PAPPA2: variants seen among roughly 807,000 people sequenced by gnomAD.
PAPPA2 encodes pappalysin-2.
PAPPA2 carries 86 observed loss-of-function variants against 176.4 expected under a neutral mutation model. The ratio of observed to expected loss-of-function variants is 0.49; its 90% CI spans 0.41 to 0.58. The LOEUF (loss-of-function observed/expected upper bound fraction) is 0.58, where lower values mean the gene tolerates loss of function less well. Among genes scored for constraint, PAPPA2 ranks in the 20% least tolerant of loss-of-function variants. The pLI, the probability that PAPPA2 is intolerant of heterozygous loss-of-function variation, is 0.00. For synonymous variants in PAPPA2, 809 were observed against 852.2 expected, an observed-to-expected ratio of 0.95 and a Z score of 0.88; for missense variants, 2,073 against 2,256.9, an observed-to-expected ratio of 0.92 and a Z score of 1.65.
chr1:176,756,130 G>A (rs1298135430), intron 14 of PAPPA2, among the ~76,000 whole-genome samples: 2 of 152,022 alleles, frequency 1.3e-5, no homozygotes, highest in Admixed American at 6.6e-5. Flanking sequence ...AGCTAATTTT[G>A]TAGTTTAGTA....
At position 176,594,678 on chromosome 1, in the gene PAPPA2, C is replaced by T. The variant is rs1208380815; in HGVS notation, c.1074C>T (p.Arg358=). The part of the protein sequence containing the change: ...KKATILISHS[R]YQPGTWTHVA... ...CCACCATCTTGATTAGCCACAGTCG[C>T]TACCAACCAGGCACATGGACCCATG... Residue 358 remains arginine, a synonymous_variant, in exon 3 of 23, where the codon CGC becomes CGT. Coordinates refer to ENST00000367662, the MANE Select transcript of PAPPA2 (RefSeq NM_020318.3). The T allele has an allele frequency of 2.5e-6, 4 of 1,614,228 alleles. 1 individual carries two copies. The South Asian group carries it at 4.4e-5, about 18-fold the overall frequency.
intron 3 of PAPPA2, among the ~76,000 whole-genome samples, chr1:176,615,574 G>A (rs1211349547): frequency 2.0e-5 from 3 of 152,058 alleles, no homozygotes; most frequent in Non-Finnish European, 2.9e-5. Context: ...TGATCCACCC[G>A]CTTCGGCCTC....
At chr1:176,780,395 C>T (rs1296021542) in intron 17 of PAPPA2, among the ~76,000 whole-genome samples, 1 of 152,094 alleles carries the variant, frequency 6.6e-6, no homozygotes, top group Non-Finnish European at 1.5e-5. Flanking sequence ...AGTGGACTTC[C>T]CTCAGGCTCT....
intron 4 of PAPPA2, among the ~76,000 whole-genome samples, chr1:176,678,457 A>G (rs1659417747): frequency 6.6e-6 from 1 of 151,952 alleles, no homozygotes; most frequent in African/African-American, 2.4e-5. Context: ...GAGCATGGAA[A>G]GTTTTTATTG....
intron 1 of PAPPA2, among the ~76,000 whole-genome samples, chr1:176,538,184 A>C (rs889679819): frequency 1.3e-5 from 2 of 152,052 alleles, no homozygotes; most frequent in African/African-American, 4.8e-5. Context: ...TGTCAGGATT[A>C]CCTCTTCCAA....
In PAPPA2 at chr1:176,595,258, G is replaced by C. The variant is rs777060077; in HGVS notation, c.1654G>C (p.Glu552Gln). The change falls in exon 3 of 23, where the codon GAG becomes CAG. Residue 552 changes from glutamate to glutamine, a missense_variant. This residue lies in a region of PAPPA2 where 1,196 missense variants were observed against 1,330.4 expected (regional missense o/e 0.90). Coordinates refer to ENST00000367662, the MANE Select transcript of PAPPA2 (RefSeq NM_020318.3). ...TGAGGAGCAGATTCGTCTGCAGCAC[G>C]AGGCACTGAATGAGGCCTTCAGCCG... ...VSEEQIRLQH[E>Q]ALNEAFSRYN... The C allele has an allele frequency of 6.2e-7, 1 of 1,614,218 alleles. No homozygotes were observed. Among genetic ancestry groups the C allele is most frequent in the East Asian group, 2.2e-5 (1 of 44,882 alleles).
At chr1:176,513,975 T>C (rs568518030) in intron 1 of PAPPA2, among the ~76,000 whole-genome samples, 1 of 152,296 alleles carries the variant, frequency 6.6e-6, no homozygotes, top group East Asian at 1.9e-4. Flanking sequence ...ATACATGCCA[T>C]CTCAACATGA....
At chr1:176,789,780 T>C (rs1206146313) in intron 17 of PAPPA2, 29 bp from the exon 18 acceptor site, 4 of 1,589,544 alleles carry the variant, frequency 2.5e-6, no homozygotes, top group Non-Finnish European at 2.6e-6. Flanking sequence ...AAGATTCTGA[T>C]GAGCTATTTT....
chr1:176,490,575 G>C (rs1647236212), intron 1 of PAPPA2, among the ~76,000 whole-genome samples: 1 of 152,146 alleles, frequency 6.6e-6, no homozygotes, highest in Non-Finnish European at 1.5e-5. Flanking sequence ...ATGTTGCCGT[G>C]CATTTTCTTC....
intron 14 of PAPPA2, among the ~76,000 whole-genome samples, chr1:176,762,935 C>T (rs182629900): frequency 6.6e-6 from 1 of 152,208 alleles, no homozygotes; most frequent in East Asian, 1.9e-4. Flanking sequence ...CCAGTTCTTC[C>T]AACTTATACA....
chr1:176,619,978 T>C (rs80217597), intron 3 of PAPPA2, among the ~76,000 whole-genome samples: 1 of 152,188 alleles, frequency 6.6e-6, no homozygotes, highest in South Asian at 2.1e-4. Flanking sequence ...CCATTTAGGC[T>C]GCTATGACAA....
intron 21 of PAPPA2, among the ~76,000 whole-genome samples, chr1:176,817,286 G>A (rs1247260529): frequency 5.3e-5 from 8 of 152,146 alleles, no homozygotes; most frequent in Admixed American, 5.2e-4. Context: ...ACAGGAGTTT[G>A]AAAACACAAG....
chr1:176,487,805 A>G (rs1272774107), intron 1 of PAPPA2, among the ~76,000 whole-genome samples: 3 of 152,206 alleles, frequency 2.0e-5, no homozygotes, highest in African/African-American at 4.8e-5. Context: ...ACACAAGAGA[A>G]GCAATAAAAG....
chr1:176,699,049 C>A (rs1416097893), intron 7 of PAPPA2, 51 bp from the exon 8 acceptor site: 20 of 1,549,952 alleles, frequency 1.3e-5, no homozygotes, highest in Non-Finnish European at 1.7e-5. Context: ...TACTCATTTT[C>A]TGACTTTTAA....
chr1:176,767,496 T>C (rs571810261), intron 15 of PAPPA2, among the ~76,000 whole-genome samples: 13 of 152,240 alleles, frequency 8.5e-5, no homozygotes, highest in African/African-American at 1.9e-4. Context: ...TACAGGTGCA[T>C]GCCACCACAC....
rs578223841 is a variant in PAPPA2 at position 176,473,398 on chromosome 1, C to T, written c.-917+9980C>T. Reference sequence around the variant, plus strand: ...TTTTTTTAGTACTGAATAATATCCTCTTGTCTGGATTTATCATAGTTTATT... The same window carrying T: ...TTTTTTTAGTACTGAATAATATCCTTTTGTCTGGATTTATCATAGTTTATT... On this transcript the variant is annotated intron_variant, in intron 1 of 22. Transcript: ENST00000367662. Among the ~76,000 whole-genome samples, 12 of 152,168 alleles carry T rather than the reference C, an allele frequency of 7.9e-5. No homozygotes were observed. In the East Asian group the frequency reaches 1.4e-3, roughly 17 times the overall value.
rs1477619332 is a variant in PAPPA2, at chr1:176,699,359, C to G, written c.3006C>G (p.Phe1002Leu). ...ESVHLGPLDT[F>L]CDIPLTIKLH... ...TGCACCTGGGCCCCTTAGACACTTT[C>G]TGTGACATCCCACTCACCATCAAAC... The change falls in exon 8 of 23, where the codon TTC (phenylalanine) becomes TTG (leucine). Residue 1002 changes from phenylalanine (F) to leucine (L), a missense_variant. This residue lies in a region of PAPPA2 where 1,196 missense variants were observed against 1,330.4 expected (regional missense o/e 0.90). Coordinates refer to ENST00000367662, the MANE Select transcript of PAPPA2 (RefSeq NM_020318.3). 6.2e-7 allele frequency: 1 copy of G among 1,614,186 alleles called. No individual in the cohort carries two copies. Among genetic ancestry groups the G allele is most frequent in the South Asian group, 1.1e-5 (1 of 91,084 alleles).
intron 1 of PAPPA2, among the ~76,000 whole-genome samples, chr1:176,496,859 T>A (rs756056509): frequency 2.6e-5 from 4 of 152,176 alleles, no homozygotes; most frequent in Non-Finnish European, 5.9e-5. Context: ...ATGGGACTTG[T>A]CCACGGTCAC....
chr1:176,556,236 G>A lies in PAPPA2; in HGVS notation c.-87G>A. ...TTTCCCTGGTGACTGCAAATCCATT[G>A]CTAGCTGCCTCTTTCTCGTCTGCCC... On this transcript the variant is annotated 5_prime_UTR_variant, in exon 2 of 23. Coordinates refer to ENST00000367662, the MANE Select transcript of PAPPA2 (RefSeq NM_020318.3). 9 of 1,428,420 alleles carry A rather than the reference G, an allele frequency of 6.3e-6. No homozygotes were observed. Among genetic ancestry groups the A allele is most frequent in the Non-Finnish European group, 8.5e-6 (9 of 1,056,058 alleles). The allele number at this position is 1,428,420 out of a possible 1,614,324, so 88.5% of individuals were successfully genotyped here. A position where few individuals can be genotyped will look rare whatever the true frequency, so the allele number is the denominator to read the frequency against.
Sources: gnomAD v4.1 joint callset for allele counts (sites outside exome capture counted in the v4.1 genomes callset) on GRCh38, gnomAD v4.1.1 for gene constraint, gnomAD v4.1.1 regional missense constraint, MANE v1.5 for transcripts, NCBI Gene and HGNC (gene_info 2026-07-23, HGNC 2026-07-21) for gene names.